The following RPS6KA5 variants were observed in gnomAD, a reference collection of about 807,000 sequenced individuals.
RPS6KA5 encodes the protein ribosomal protein S6 kinase A5, also known as ribosomal protein S6 kinase alpha-5.
In RPS6KA5, 27 loss-of-function variants were observed where a neutral mutation model predicts 85.5. The observed-to-expected ratio is 0.32, with a 90% CI of 0.23 to 0.44. RPS6KA5 has a LOEUF of 0.44. RPS6KA5 is among the 20% of genes least tolerant of loss of function. RPS6KA5 has a pLI of 1.00. For missense variants in RPS6KA5, 811 were observed against 980.9 expected (o/e 0.83, Z 2.31); for synonymous variants, 334 against 348.2 (o/e 0.96, Z 0.46).
chr14:90,889,345 A>G (rs549527892), intron 14 of RPS6KA5, among the ~76,000 whole-genome samples: 1 of 151,864 alleles, frequency 6.6e-6, no homozygotes, highest in African/African-American at 2.4e-5. Context: ...GAAAATACTA[A>G]TGTTCAAATG....
intron 2 of RPS6KA5, among the ~76,000 whole-genome samples, chr14:90,993,004 C>A (rs150193562): frequency 6.6e-6 from 1 of 152,308 alleles, no homozygotes; most frequent in East Asian, 1.9e-4. Flanking sequence ...TTTACACAGT[C>A]AGTATGCTTT....
intron 4 of RPS6KA5, among the ~76,000 whole-genome samples, chr14:90,943,767 G>C (rs760784539): frequency 6.6e-6 from 1 of 152,068 alleles, no homozygotes; most frequent in African/African-American, 2.4e-5. Flanking sequence ...AATTTATAAA[G>C]AATTGTTGAT....
At chr14:90,928,026 C>A (rs2036775144) in intron 5 of RPS6KA5, among the ~76,000 whole-genome samples, 1 of 147,736 alleles carries the variant, frequency 6.8e-6, no homozygotes, top group African/African-American at 2.5e-5. Flanking sequence ...GTTTTGACTT[C>A]CCAGGCTCAA....
intron 1 of RPS6KA5, among the ~76,000 whole-genome samples, chr14:91,029,171 C>T (rs1310895576): frequency 6.6e-6 from 1 of 152,094 alleles, no homozygotes; most frequent in Non-Finnish European, 1.5e-5. Flanking sequence ...TTGTTGTGTG[C>T]CCATAAAAGG....
rs768998061 is a variant in RPS6KA5 at position 90,872,339 on chromosome 14, A to AG, written c.2161-18dup. 1.3e-6 allele frequency: 2 copies of AG among 1,595,728 alleles called. No homozygotes were observed. Among genetic ancestry groups the AG allele is most frequent in the African/African-American group, 2.7e-5 (2 of 73,692 alleles). ...GTTAAAGGCCTGGCGGGGGAAAAAA[A>AG]GGGAACCCCTGTGAAGGTAAAAGTA... On this transcript the variant is annotated splice_polypyrimidine_tract_variant and intron_variant, in intron 16 of 16. Transcript: ENST00000614987.
Position 90,866,002 on chromosome 14 carries a change from C to T in RPS6KA5, c.*6072G>A, listed in dbSNP as rs1369907986. On this transcript the variant is annotated 3_prime_UTR_variant, in exon 17 of 17. Transcript: ENST00000614987. ...AAACATTTCCCAGCTCTGTCCCAAT[C>T]AAGTTCTTATTTCTCTGAACGGAAT... 2 of 152,192 alleles carry T rather than the reference C, an allele frequency of 1.3e-5. No individual in the cohort carries two copies. The highest frequency in any genetic ancestry group is 1.3e-4 in the Admixed American group (2 of 15,280). The allele number at this position is 152,192 out of a possible 1,614,324, so 9.4% of individuals were successfully genotyped here.
intron 14 of RPS6KA5, among the ~76,000 whole-genome samples, chr14:90,880,375 T>C (rs1458223815): frequency 6.6e-6 from 1 of 152,228 alleles, no homozygotes; most frequent in Non-Finnish European, 1.5e-5. Context: ...ACATACACTA[T>C]TTGTCTTTTT....
intron 3 of RPS6KA5, among the ~76,000 whole-genome samples, chr14:90,966,236 A>G (rs961264004): frequency 6.6e-6 from 1 of 152,214 alleles, no homozygotes; most frequent in Non-Finnish European, 1.5e-5. Flanking sequence ...GACTCTGTTG[A>G]GAAATGATTT....
At chr14:90,874,333 A>G (rs2033313842) in intron 15 of RPS6KA5, among the ~76,000 whole-genome samples, 1 of 152,216 alleles carries the variant, frequency 6.6e-6, no homozygotes, top group South Asian at 2.1e-4. Flanking sequence ...CTAGGGAGTG[A>G]GGGCATCCTG....
Position 90,859,156 on chromosome 14 carries a change from G to A in RPS6KA5, c.*12918C>T, listed in dbSNP as rs2032420206. ...CAAAGAGGCCATATGCTAGGAGTAA[G>A]AGCAAAACTGAAATGTACAAGCCCA... On this transcript the variant is annotated 3_prime_UTR_variant, in exon 17 of 17. Coordinates refer to ENST00000614987, the MANE Select transcript of RPS6KA5 (RefSeq NM_004755.4). 1 of 152,194 alleles carries A rather than the reference G, an allele frequency of 6.6e-6. No homozygotes were observed. Among genetic ancestry groups the A allele is most frequent in the Admixed American group, 6.5e-5 (1 of 15,278 alleles). 9.4% of individuals were successfully genotyped at this position (152,194 alleles called of 1,614,324 possible). A position where few individuals can be genotyped will look rare whatever the true frequency, so the allele number is the denominator to read the frequency against.
intron 3 of RPS6KA5, among the ~76,000 whole-genome samples, chr14:90,951,831 A>C (rs568268239): frequency 1.3e-5 from 2 of 152,292 alleles, no homozygotes; most frequent in East Asian, 3.9e-4. Flanking sequence ...CAGAACACCC[A>C]GACCTTTGGA....
chr14:90,978,280 A>G (rs757839875), intron 3 of RPS6KA5, 26 bp downstream of exon 3: 5 of 1,541,680 alleles, frequency 3.2e-6, no homozygotes, highest in African/African-American at 2.8e-5. Context: ...GTTTTCATAA[A>G]AAGTCTGATA....
chr14:91,027,681 TTC>T (rs1458116105), intron 1 of RPS6KA5, among the ~76,000 whole-genome samples: 1 of 152,162 alleles, frequency 6.6e-6, no homozygotes, highest in Non-Finnish European at 1.5e-5. Context: ...TTGTCTAGGG[TTC>T]TGTTACATGT....
At chr14:90,894,191 T>C in intron 13 of RPS6KA5, 2 of 1,181,422 alleles carry the variant, frequency 1.7e-6, no homozygotes, top group Non-Finnish European at 2.1e-6. Flanking sequence ...CTTACAAATA[T>C]AACCTCAAGA....
At chr14:90,890,728 A>G in intron 13 of RPS6KA5, 50 bp from the exon 14 acceptor site, 1 of 1,494,268 alleles carries the variant, frequency 6.7e-7, no homozygotes. Context: ...ATGTCTTGGG[A>G]ATTGCTGGTA....
At chr14:91,040,408 CTTAAA>C (rs933038276) in intron 1 of RPS6KA5, among the ~76,000 whole-genome samples, 3 of 151,978 alleles carry the variant, frequency 2.0e-5, no homozygotes, top group Non-Finnish European at 4.4e-5. Context: ...AAGTCCGCCT[CTTAAA>C]TTAAATTAAA....
intron 1 of RPS6KA5, among the ~76,000 whole-genome samples, chr14:91,053,389 T>C (rs1288676415): frequency 3.3e-5 from 5 of 152,122 alleles, no homozygotes; most frequent in Non-Finnish European, 5.9e-5. Flanking sequence ...ACAAAAGATA[T>C]CTGGATTGGA....
chr14:90,915,282 T>C (rs1479187116), intron 7 of RPS6KA5, among the ~76,000 whole-genome samples: 2 of 152,188 alleles, frequency 1.3e-5, no homozygotes, highest in Non-Finnish European at 1.5e-5. Context: ...TCACAGCCTC[T>C]TACCTGTGGG....
chr14:90,882,227 T>A (rs2033889797), intron 14 of RPS6KA5, among the ~76,000 whole-genome samples: 1 of 152,236 alleles, frequency 6.6e-6, no homozygotes, highest in Non-Finnish European at 1.5e-5. Context: ...TGAATTTGTA[T>A]CAGTTTAACT....
Sources: gnomAD v4.1 joint callset for allele counts (sites outside exome capture counted in the v4.1 genomes callset) on GRCh38, gnomAD v4.1.1 for gene constraint, MANE v1.5 for transcripts, NCBI Gene and HGNC (gene_info 2026-07-23, HGNC 2026-07-21) for gene names.